The following MPRIP variants were observed in gnomAD, a reference collection of about 807,000 sequenced individuals.
MPRIP encodes the protein myosin phosphatase Rho interacting protein.
A neutral mutation model predicts 234.9 loss-of-function variants in MPRIP; 59 were observed. That is an observed-to-expected ratio of 0.25 (90% CI 0.20 to 0.31). The LOEUF is 0.31. Ranked by LOEUF, MPRIP falls within the 10% of genes least tolerant of loss-of-function variation. The pLI is 1.00. For missense variants in MPRIP, 2,436 were observed against 3,071.0 expected, an observed-to-expected ratio of 0.79 and a Z score of 4.89; for synonymous variants, 1,144 against 1,263.9, an observed-to-expected ratio of 0.91 and a Z score of 2.01.
chr17:17,162,526 C>T (rs772375991), intron 15 of MPRIP, among the ~76,000 whole-genome samples: 2 of 152,342 alleles, frequency 1.3e-5, no homozygotes, highest in East Asian at 1.9e-4. Context: ...TCTCCAGCCT[C>T]TTCTGCCATA....
At chr17:17,108,701 G>A (rs139831280) in intron 3 of MPRIP, among the ~76,000 whole-genome samples, 1 of 152,228 alleles carries the variant, frequency 6.6e-6, no homozygotes, top group Non-Finnish European at 1.5e-5. Context: ...GTGACCGGGA[G>A]GGTGCTGGGG....
At chr17:17,173,410 G>A (rs2046187363) in intron 18 of MPRIP, among the ~76,000 whole-genome samples, 1 of 152,240 alleles carries the variant, frequency 6.6e-6, no homozygotes, top group Non-Finnish European at 1.5e-5. Flanking sequence ...GCAGCACCCT[G>A]TAGAGGCTCA....
At chr17:17,093,328 T>G (rs1312097435) in intron 3 of MPRIP, among the ~76,000 whole-genome samples, 2 of 152,202 alleles carry the variant, frequency 1.3e-5, no homozygotes, top group Non-Finnish European at 2.9e-5. Flanking sequence ...GGAAACAATC[T>G]TTATTTCCAA....
At chr17:17,070,296 G>A (rs2089161561) in intron 1 of MPRIP, among the ~76,000 whole-genome samples, 1 of 152,074 alleles carries the variant, frequency 6.6e-6, no homozygotes, top group Non-Finnish European at 1.5e-5. Flanking sequence ...GAATGTGTAG[G>A]TTGCCACTTT....
At chr17:17,112,003 C>T (rs1320276285) in intron 3 of MPRIP, among the ~76,000 whole-genome samples, 2 of 152,144 alleles carry the variant, frequency 1.3e-5, no homozygotes, top group African/African-American at 4.8e-5. Flanking sequence ...TGACAGTCGT[C>T]GGCACCCCAC....
intron 14 of MPRIP, 28 bp from the exon 15 acceptor site, chr17:17,161,212 A>C (rs372623880): frequency 6.5e-7 from 1 of 1,528,630 alleles, no homozygotes; most frequent in African/African-American, 1.4e-5. Flanking sequence ...GTCATTTTGC[A>C]TAAAAGTGTG....
At position 17,186,134 on chromosome 17, in the gene MPRIP, T is replaced by A. The variant is rs2046471056; in HGVS notation, c.*1240T>A. The A allele has an allele frequency of 6.6e-6, 1 of 152,370 alleles. No individual in the cohort carries two copies. The highest frequency in any genetic ancestry group is 1.5e-5 in the Non-Finnish European group (1 of 68,184). 9.4% of individuals were successfully genotyped at this position (152,370 alleles called of 1,614,324 possible). A position where few individuals can be genotyped will look rare whatever the true frequency, so the allele number is the denominator to read the frequency against. ...AAGATAGGGAGTATAAACCCCTGGC[T>A]GGTGGAACAGGTTCTGCTACTTTAG... On this transcript the variant is annotated 3_prime_UTR_variant, in exon 24 of 24. Coordinates refer to ENST00000651222, the MANE Select transcript of MPRIP (RefSeq NM_001364716.4).
intron 3 of MPRIP, among the ~76,000 whole-genome samples, chr17:17,103,969 C>A (rs764827082): frequency 1.8e-4 from 28 of 152,152 alleles, no homozygotes; most frequent in Non-Finnish European, 3.8e-4. Context: ...TTAGCTTTTT[C>A]CCAAAGGAAA....
chr17:17,172,657 G>A (rs2046166552), intron 17 of MPRIP, 41 bp from the exon 18 acceptor site: 1 of 1,542,922 alleles, frequency 6.5e-7, no homozygotes, highest in Non-Finnish European at 8.9e-7. Flanking sequence ...CAGCAGGAAG[G>A]GCGTGGTCCC....
At chr17:17,082,285 ATTTTTTTTT>A (rs71355536) in intron 3 of MPRIP, among the ~76,000 whole-genome samples, 4 of 88,708 alleles carry the variant, frequency 4.5e-5, no homozygotes, top group East Asian at 3.6e-4. Context: ...GCTTTTTCCA[ATTTTTTTTT>A]TTTTTTTTTT....
Position 17,126,835 on chromosome 17 carries a change from C to A in MPRIP, c.401C>A (p.Thr134Asn), listed in dbSNP as rs866562096. 6.2e-7 allele frequency: 1 copy of A among 1,613,976 alleles called. No individual in the cohort carries two copies. Among genetic ancestry groups the A allele is most frequent in the African/African-American group, 1.3e-5 (1 of 75,056 alleles). ...PEKEHFIRAE[T>N]KEIVSGWLEM... ...AAGGAGCATTTCATCCGGGCGGAGA[C>A]CAAGGAGATCGTCAGTGGGTGAGTA... Residue 134 changes from threonine (T) to asparagine (N), a missense_variant, in exon 4 of 24, where the codon ACC becomes AAC. Thr to Asn is a moderately conservative substitution (Grantham distance 65). Coordinates refer to ENST00000651222, the MANE Select transcript of MPRIP (RefSeq NM_001364716.4).
chr17:17,054,524 C>T (rs2088635675), intron 1 of MPRIP, among the ~76,000 whole-genome samples: 2 of 152,308 alleles, frequency 1.3e-5, no homozygotes, highest in African/African-American at 4.8e-5. Context: ...GCACCCACAC[C>T]TGCTCAGACT....
chr17:17,060,090 T>C (rs1002314877), intron 1 of MPRIP, among the ~76,000 whole-genome samples: 3 of 152,088 alleles, frequency 2.0e-5, no homozygotes, highest in Admixed American at 6.5e-5. Flanking sequence ...CAGCCCCCAA[T>C]CTCCGCCAGC....
intron 21 of MPRIP, 59 bp downstream of exon 21, chr17:17,176,571 C>G: frequency 1.5e-6 from 2 of 1,300,164 alleles, no homozygotes; most frequent in East Asian, 4.6e-5. Context: ...TGACATGCGC[C>G]TCCTGAACTC....
At chr17:17,062,435 T>G (rs552706100) in intron 1 of MPRIP, among the ~76,000 whole-genome samples, 1 of 152,336 alleles carries the variant, frequency 6.6e-6, no homozygotes, top group East Asian at 1.9e-4. Context: ...TCTCATCAAC[T>G]CTCAATCTTT....
rs1465850409 is a variant in MPRIP, at chr17:17,185,168, CT to C, written c.*277del. ...GGCTGGGAGGGCATCTGTGTTAGTC[CT>C]TTCCTGGCTGTGACCCGCCACACTC... On this transcript the variant is annotated 3_prime_UTR_variant, in exon 24 of 24. Transcript: ENST00000651222. 2.8e-6 allele frequency: 1 copy of C among 356,040 alleles called. No individual in the cohort carries two copies. Among genetic ancestry groups the C allele is most frequent in the Non-Finnish European group, 5.5e-6 (1 of 182,558 alleles). 22.1% of individuals were successfully genotyped at this position (356,040 alleles called of 1,614,324 possible). A position where few individuals can be genotyped will look rare whatever the true frequency, so the allele number is the denominator to read the frequency against.
chr17:17,187,308 T>G lies in MPRIP; in HGVS notation c.*2414T>G, dbSNP rs2046494724. On this transcript the variant is annotated 3_prime_UTR_variant, in exon 24 of 24. Coordinates refer to ENST00000651222, the MANE Select transcript of MPRIP (RefSeq NM_001364716.4). ...GTCAGAGACAGGCCAGCAGGGCGTC[T>G]GCATTCCTCCCTGCCACAGGTCTCT... 1 of 152,258 alleles carries G rather than the reference T, an allele frequency of 6.6e-6. No homozygotes were observed. 9.4% of individuals were successfully genotyped at this position (152,258 alleles called of 1,614,324 possible).
At chr17:17,047,583 A>T (rs191604553) in intron 1 of MPRIP, among the ~76,000 whole-genome samples, 5 of 152,214 alleles carry the variant, frequency 3.3e-5, no homozygotes, top group African/African-American at 1.2e-4. Context: ...GTAAATTACA[A>T]TCAAGGCATT....
chr17:17,158,037 G>A (rs1300667854), intron 13 of MPRIP, among the ~76,000 whole-genome samples: 2 of 152,134 alleles, frequency 1.3e-5, no homozygotes, highest in Non-Finnish European at 2.9e-5. Context: ...GGGCTGGCCC[G>A]TCCTGCCTCT....
Sources: allele counts gnomAD v4.1 joint callset (sites outside exome capture counted in the v4.1 genomes callset), GRCh38; gene constraint gnomAD v4.1.1; transcripts MANE v1.5; gene names NCBI Gene and HGNC (gene_info 2026-07-23, HGNC 2026-07-21).